Variants in EVC observed in about 807,000 individuals in gnomAD.
The protein encoded by EVC is evC complex member EVC.
A neutral mutation model predicts 118.9 loss-of-function variants in EVC; 116 were observed. That is an observed-to-expected ratio of 0.98 (90% CI 0.84 to 1.14). The LOEUF is 1.14. Ranked by LOEUF, EVC falls within the 50% of genes most tolerant of loss-of-function variation. The pLI, the probability that EVC is intolerant of heterozygous loss-of-function variation, is 0.00. For synonymous variants in EVC, 619 were observed against 534.7 expected, an observed-to-expected ratio of 1.16 and a Z score of -2.18; for missense variants, 1,401 against 1,246.4, an observed-to-expected ratio of 1.12 and a Z score of -1.87.
rs374386522 is a variant in EVC, at chr4:5,802,108, C to A, written c.2449+14C>A. Reference sequence around the variant, plus strand: ...AGACCCTGCAGGGTACGGGACCCCCCCTCAGGGAAGCCCCAGAAGAGACTG... The same window carrying A: ...AGACCCTGCAGGGTACGGGACCCCCACTCAGGGAAGCCCCAGAAGAGACTG... On this transcript the variant is annotated intron_variant, in intron 16 of 20. Transcript: ENST00000264956. 69 of 1,614,008 alleles carry A rather than the reference C, an allele frequency of 4.3e-5. No homozygotes were observed. Among genetic ancestry groups the A allele is most frequent in the Admixed American group, 1.3e-4 (8 of 60,006 alleles).
intron 16 of EVC, among the ~76,000 whole-genome samples, chr4:5,804,000 G>A (rs2152371501): frequency 6.6e-6 from 1 of 151,522 alleles, no homozygotes; most frequent in East Asian, 1.9e-4. Flanking sequence ...GAGTGCAGTG[G>A]CATGATTTCG....
chr4:5,828,751 T>C, the EVC span: 1 of 1,484,518 alleles, frequency 6.7e-7, no homozygotes. Context: ...TGCCTAACAT[T>C]ATATCATAAG....
Position 5,719,077 on chromosome 4 carries a change from G to C in EVC, c.175-171G>C, listed in dbSNP as rs1488865521. Among the ~76,000 whole-genome samples the C allele has an allele frequency of 1.3e-5, 2 of 152,148 alleles. No homozygotes were observed. Among genetic ancestry groups the C allele is most frequent in the African/African-American group, 2.4e-5 (1 of 41,428 alleles). ...TTGAAGGACATGTAGCGGACCCCAC[G>C]TGGGGTGGGAGGCGTCACACACAGA... is the stretch of plus-strand genomic sequence containing the variant. On this transcript the variant is annotated intron_variant, in intron 1 of 20. Transcript: ENST00000264956. The surrounding 1 kb of genome is among the most constrained non-coding windows in gnomAD (Gnocchi z 4.7).
chr4:5,773,396 T>C (rs1286081785), intron 11 of EVC, among the ~76,000 whole-genome samples: 1 of 152,078 alleles, frequency 6.6e-6, no homozygotes, highest in Non-Finnish European at 1.5e-5. Context: ...CCCTAAGACC[T>C]GTGGACTAGC....
Position 5,731,098 on chromosome 4 carries a change from A to G in EVC, c.385-327A>G, listed in dbSNP as rs1043256201. Among the ~76,000 whole-genome samples the G allele has an allele frequency of 2.0e-5, 3 of 151,924 alleles. No homozygotes were observed. Among genetic ancestry groups the G allele is most frequent in the East Asian group, 3.9e-4 (2 of 5,156 alleles). ...AACTGGGTCAGGGCAAGCGGTGGCT[A>G]TGGAGGAGGTAGGTCAGAGTTGGCA... is the stretch of plus-strand genomic sequence containing the variant. On this transcript the variant is annotated intron_variant, in intron 3 of 20. Coordinates refer to ENST00000264956, the MANE Select transcript of EVC (RefSeq NM_153717.3). This position sits in a 1 kb window ranked among gnomAD's most constrained non-coding sequence, Gnocchi z 5.6.
chr4:5,827,945 G>A, the EVC span: 2 of 710,724 alleles, frequency 2.8e-6, no homozygotes, highest in African/African-American at 1.9e-5. Context: ...ATGTCCTGAG[G>A]TCAGTGCTAA....
chr4:5,797,226 G>A lies in EVC; in HGVS notation c.2091G>A (p.Arg697=). 6.2e-7 allele frequency: 1 copy of A among 1,607,288 alleles called. No homozygotes were observed. Among genetic ancestry groups the A allele is most frequent in the South Asian group, 1.1e-5 (1 of 90,170 alleles). The change falls in exon 14 of 21, where the codon AGG becomes AGA. Residue 697 remains arginine (R), a synonymous_variant. Transcript: ENST00000264956. ...ACGAGCATCAGTGGCAGCTGCTCAG[G>A]GCCCTGGTAAGACCAGCATGGTGGC... is the stretch of plus-strand genomic sequence containing the variant. ...CLDEHQWQLL[R]ALEARVLEEA... is the part of the protein sequence containing the mutation.
At chr4:5,794,437 C>T (rs112205586) in intron 13 of EVC, among the ~76,000 whole-genome samples, 27 of 147,652 alleles carry the variant, frequency 1.8e-4, no homozygotes, top group Non-Finnish European at 1.5e-5. Context: ...GACAGACTCT[C>T]GCTCTGTCGC....
In EVC at chr4:5,798,964, G is replaced by A. The variant is rs903800483; in HGVS notation, c.2304+172G>A. 1.3e-5 allele frequency among the ~76,000 whole-genome samples: 2 copies of A among 152,222 alleles called. No individual in the cohort carries two copies. Among genetic ancestry groups the A allele is most frequent in the Admixed American group, 6.5e-5 (1 of 15,298 alleles). ...TCTGTAAGGTGGGATCTTCTCCCTC[G>A]CAGAATGGGGAGGGGCAGTCGCAGC... On this transcript the variant is annotated intron_variant, in intron 15 of 20. Transcript: ENST00000264956. The surrounding 1 kb of genome is among the most constrained non-coding windows in gnomAD (Gnocchi z 4.1).
chr4:5,815,518 C>T (rs1038753858), downstream of EVC, among the ~76,000 whole-genome samples: 10 of 151,988 alleles, frequency 6.6e-5, no homozygotes, highest in African/African-American at 1.2e-4. Flanking sequence ...ATAGGGGGAA[C>T]GAATCGATCC....
downstream of EVC, among the ~76,000 whole-genome samples, chr4:5,817,018 G>C (rs956585887): frequency 6.6e-6 from 1 of 152,214 alleles, no homozygotes; most frequent in Admixed American, 6.5e-5. Flanking sequence ...GCAAAGGCAG[G>C]GCAGGTTGGG....
At chr4:5,776,818 C>T (rs543344891) in intron 11 of EVC, among the ~76,000 whole-genome samples, 1 of 152,218 alleles carries the variant, frequency 6.6e-6, no homozygotes, top group African/African-American at 2.4e-5. Context: ...TTTTTCAATT[C>T]TAGACAATAT....
chr4:5,773,647 C>G lies in EVC; in HGVS notation c.1564-9905C>G, dbSNP rs111961144. 7.9e-4 allele frequency among the ~76,000 whole-genome samples: 120 copies of G among 152,200 alleles called. 2 individuals carry two copies. Among genetic ancestry groups the G allele is most frequent in the African/African-American group, 2.7e-3 (114 of 41,488 alleles). On this transcript the variant is annotated intron_variant, in intron 11 of 20. Transcript: ENST00000264956. ...CTGCCGGGGTGTTTTGTGGGATCCC[C>G]CATAGTCCCTGCAGGTTTGTATGCA...
At chr4:5,819,719 T>C in the EVC span, among the ~76,000 whole-genome samples, 1 of 152,190 alleles carries the variant, frequency 6.6e-6, no homozygotes, top group Non-Finnish European at 1.5e-5. Flanking sequence ...TCTGGAAGTT[T>C]CCCTTTAATA....
In EVC at chr4:5,754,636, T is replaced by C. The variant is rs1314080689; in HGVS notation, c.1464+703T>C. ...GAGAGGACCAGCTTGTCCGTAACCG[T>C]CTTGCAGGCTGGTTAAGCATTGGGC... On this transcript the variant is annotated intron_variant, in intron 10 of 20. Transcript: ENST00000264956. The surrounding 1 kb of genome is among the most constrained non-coding windows in gnomAD (Gnocchi z 5.8). Among the ~76,000 whole-genome samples the C allele has an allele frequency of 2.6e-5, 4 of 151,970 alleles. No homozygotes were observed. The highest frequency in any genetic ancestry group is 6.6e-5 in the Admixed American group (1 of 15,260).
In EVC at chr4:5,753,633, G is replaced by C. The variant is rs537609219; in HGVS notation, c.1316-152G>C. 203 of 1,020,024 alleles carry C rather than the reference G, an allele frequency of 2.0e-4. 1 individual carries two copies. The African/African-American group carries it at 3.0e-3, about 15-fold the overall frequency. The allele number at this position is 1,020,024 out of a possible 1,614,324, so 63.2% of individuals were successfully genotyped here. A position where few individuals can be genotyped will look rare whatever the true frequency, so the allele number is the denominator to read the frequency against. ...GGTCACACTACTAGTGGGACCTACA[G>C]AAAAACCCAGGTGTGTCACCAGCAG... is the stretch of plus-strand genomic sequence containing the variant. On this transcript the variant is annotated intron_variant, in intron 9 of 20. Coordinates refer to ENST00000264956, the MANE Select transcript of EVC (RefSeq NM_153717.3).
chr4:5,741,067 G>A (rs1243982604), intron 5 of EVC, among the ~76,000 whole-genome samples: 1 of 152,214 alleles, frequency 6.6e-6, no homozygotes, highest in African/African-American at 2.4e-5. Flanking sequence ...GCAGTTACCA[G>A]AAGACCCAGC....
chr4:5,771,923 C>T (rs74589111), intron 11 of EVC, among the ~76,000 whole-genome samples: 5,396 of 151,706 alleles, frequency 0.036, 333 homozygotes, highest in African/African-American at 0.12. Flanking sequence ...TATTTTGAGA[C>T]GTCTCACTCT....
In EVC at chr4:5,813,071, C is replaced by G. The variant is rs1717167770; in HGVS notation, c.*2034C>G. The G allele has an allele frequency of 6.6e-6, 1 of 152,220 alleles. No individual in the cohort carries two copies. The highest frequency in any genetic ancestry group is 2.4e-5 in the African/African-American group (1 of 41,446). The allele number at this position is 152,220 out of a possible 1,614,324, so 9.4% of individuals were successfully genotyped here. On this transcript the variant is annotated 3_prime_UTR_variant, in exon 21 of 21. Coordinates refer to ENST00000264956, the MANE Select transcript of EVC (RefSeq NM_153717.3). ...TTCCCAGTGGCCAAAACTTAATCAT[C>G]AGAGCGCTTCCTTCAGTTCCTCACC... is the stretch of plus-strand genomic sequence containing the variant.
Sources: gnomAD v4.1 joint callset for allele counts (sites outside exome capture counted in the v4.1 genomes callset) on GRCh38, gnomAD v4.1.1 for gene constraint, Gnocchi (gnomAD v3.1) non-coding constraint, MANE v1.5 for transcripts, NCBI Gene and HGNC (gene_info 2026-07-23, HGNC 2026-07-21) for gene names.